RORA: variants seen among roughly 807,000 people sequenced by gnomAD.
The protein encoded by RORA is nuclear receptor ROR-alpha.
RORA carries 7 observed loss-of-function variants against 69.5 expected under a neutral mutation model. The ratio of observed to expected loss-of-function variants is 0.10; its 90% CI spans 0.06 to 0.19. RORA has a LOEUF of 0.19. RORA is among the 10% of genes least tolerant of loss of function. The probability of loss-of-function intolerance (pLI) is 1.00; values close to 1 mark genes in which losing one functional copy is unlikely to be tolerated. For missense variants in RORA, 457 were observed against 663.0 expected (o/e 0.69, Z 3.41); for synonymous variants, 261 against 240.8 (o/e 1.08, Z -0.78).
chr15:61,080,694 G>T (rs2078526361), intron 1 of RORA, among the ~76,000 whole-genome samples: 1 of 152,210 alleles, frequency 6.6e-6, no homozygotes, highest in South Asian at 2.1e-4. Context: ...AGTGGGTATA[G>T]AGTACGTTAC....
intron 1 of RORA, among the ~76,000 whole-genome samples, chr15:60,732,623 G>C (rs1445952253): frequency 6.6e-6 from 1 of 152,078 alleles, no homozygotes; most frequent in Non-Finnish European, 1.5e-5. Context: ...TGTCTGAGAT[G>C]TGATAATCAT....
intron 1 of RORA, among the ~76,000 whole-genome samples, chr15:61,169,984 T>C (rs754868543): frequency 1.3e-4 from 20 of 152,182 alleles, no homozygotes; most frequent in Non-Finnish European, 1.3e-4. Flanking sequence ...GTGTCCATCA[T>C]AATAGTTCTA....
In RORA at chr15:60,904,607, G is replaced by C. The variant is rs537939213; in HGVS notation, c.167-225921C>G. Among the ~76,000 whole-genome samples, 8 of 152,332 alleles carry C rather than the reference G, an allele frequency of 5.3e-5. No homozygotes were observed. In the South Asian group the frequency reaches 1.7e-3, roughly 32 times the overall value. On this transcript the variant is annotated intron_variant, in intron 1 of 10. Coordinates refer to ENST00000335670, the MANE Select transcript of RORA (RefSeq NM_134261.3). ...CATTTTACCCTCTCTTCCAGGGGCTGTGCACACCTTAGGTAGAAAGAGCTA... is the reference window on the plus strand; with the variant it reads ...CATTTTACCCTCTCTTCCAGGGGCTCTGCACACCTTAGGTAGAAAGAGCTA...
chr15:60,964,101 G>A (rs1050812889), intron 1 of RORA, among the ~76,000 whole-genome samples: 3 of 152,194 alleles, frequency 2.0e-5, no homozygotes, highest in Non-Finnish European at 4.4e-5. Context: ...AGCCCAGAAA[G>A]TCTTAATAAT....
chr15:60,943,307 T>A (rs1333170855), intron 1 of RORA, among the ~76,000 whole-genome samples: 1 of 78,440 alleles, frequency 1.3e-5, no homozygotes, highest in Admixed American at 1.1e-4. Flanking sequence ...TCTTTCTTAA[T>A]TTTTTTTTTT....
intron 1 of RORA, among the ~76,000 whole-genome samples, chr15:60,842,282 C>T (rs62006785): frequency 0.057 from 8,612 of 152,140 alleles, 325 homozygotes; most frequent in Non-Finnish European, 0.084. Flanking sequence ...TAATATCATC[C>T]CTGCAGGAAT....
chr15:61,008,110 T>C (rs934539719), intron 1 of RORA, among the ~76,000 whole-genome samples: 3 of 152,070 alleles, frequency 2.0e-5, no homozygotes. Context: ...TCCTCTGCTA[T>C]TGAACTATTT....
Position 60,945,595 on chromosome 15 carries a change from T to C in RORA, c.167-266909A>G, listed in dbSNP as rs73432087. Reference sequence around the variant, plus strand: ...CCAAATTCCTCCCATTTGCTCCCCATCCCTGCCATGCATAACAATATGTTC... The same window carrying C: ...CCAAATTCCTCCCATTTGCTCCCCACCCCTGCCATGCATAACAATATGTTC... On this transcript the variant is annotated intron_variant, in intron 1 of 10. Transcript: ENST00000335670. Among the ~76,000 whole-genome samples the C allele has an allele frequency of 8.0e-3, 1,225 of 152,224 alleles. 12 individuals carry two copies. The highest frequency in any genetic ancestry group is 0.028 in the African/African-American group (1,153 of 41,540).
intron 1 of RORA, among the ~76,000 whole-genome samples, chr15:61,200,629 A>G (rs565247126): frequency 5.9e-5 from 9 of 152,310 alleles, no homozygotes; most frequent in African/African-American, 2.2e-4. Context: ...CAATTGTGGC[A>G]CCTTGAAACA....
intron 1 of RORA, among the ~76,000 whole-genome samples, chr15:61,049,319 A>G (rs1053416883): frequency 6.6e-6 from 1 of 152,178 alleles, no homozygotes; most frequent in Non-Finnish European, 1.5e-5. Flanking sequence ...CCCCCCGTCT[A>G]ACATCCTCCC....
chr15:60,782,845 A>G (rs1458703753), intron 1 of RORA, among the ~76,000 whole-genome samples: 5 of 152,270 alleles, frequency 3.3e-5, no homozygotes, highest in African/African-American at 1.2e-4. Flanking sequence ...GCCAAGCTGC[A>G]TGGAAACTGA....
At chr15:60,812,352 T>C (rs1262465555) in intron 1 of RORA, among the ~76,000 whole-genome samples, 1 of 151,998 alleles carries the variant, frequency 6.6e-6, no homozygotes. Context: ...AATATATATA[T>C]TTTTAAAATT....
At chr15:61,005,979 G>GT (rs551026992) in intron 1 of RORA, among the ~76,000 whole-genome samples, 24 of 146,556 alleles carry the variant, frequency 1.6e-4, no homozygotes, top group African/African-American at 2.8e-4. Flanking sequence ...GTTTTGTTTT[G>GT]TTTTTTTTGA....
chr15:60,955,649 T>C (rs1409194045), intron 1 of RORA, among the ~76,000 whole-genome samples: 3 of 152,236 alleles, frequency 2.0e-5, no homozygotes, highest in Non-Finnish European at 2.9e-5. Context: ...AGTCGATTTT[T>C]ACAAAGTTAC....
chr15:61,173,446 C>T (rs920034556), intron 1 of RORA, among the ~76,000 whole-genome samples: 8 of 152,168 alleles, frequency 5.3e-5, no homozygotes, highest in Non-Finnish European at 1.0e-4. Context: ...ATTTTTTAAG[C>T]ACATAAAATA....
At chr15:60,745,956 T>C (rs953119469) in intron 1 of RORA, among the ~76,000 whole-genome samples, 9 of 152,116 alleles carry the variant, frequency 5.9e-5, no homozygotes, top group African/African-American at 2.2e-4. Context: ...ATGAAAAAAA[T>C]GTCTACTACC....
At chr15:61,170,472 T>C (rs764367648) in intron 1 of RORA, among the ~76,000 whole-genome samples, 6 of 152,188 alleles carry the variant, frequency 3.9e-5, no homozygotes, top group Non-Finnish European at 7.3e-5. Context: ...GTAATTACAC[T>C]GAGCTCGCCT....
At chr15:60,796,994 T>C in intron 1 of RORA, among the ~76,000 whole-genome samples, 1 of 148,616 alleles carries the variant, frequency 6.7e-6, no homozygotes, top group East Asian at 1.9e-4. Context: ...GGTTTATCAT[T>C]ATTTATGTCT....
At chr15:60,662,119 T>C (rs754991703) in intron 2 of RORA, among the ~76,000 whole-genome samples, 1 of 152,260 alleles carries the variant, frequency 6.6e-6, no homozygotes, top group Non-Finnish European at 1.5e-5. Flanking sequence ...ATTCATTTTG[T>C]GCTTTATCAT....
Sources: gnomAD v4.1 joint callset for allele counts (sites outside exome capture counted in the v4.1 genomes callset) on GRCh38, gnomAD v4.1.1 for gene constraint, MANE v1.5 for transcripts, NCBI Gene and HGNC (gene_info 2026-07-23, HGNC 2026-07-21) for gene names.